RAB3GAP2: variants seen among roughly 807,000 people sequenced by gnomAD.
RAB3GAP2 encodes the protein rab3 GTPase-activating protein non-catalytic subunit.
A neutral mutation model predicts 185.3 loss-of-function variants in RAB3GAP2; 87 were observed. The ratio of observed to expected loss-of-function variants is 0.47; its 90% CI spans 0.39 to 0.56. The LOEUF (loss-of-function observed/expected upper bound fraction) is 0.56, where lower values mean the gene tolerates loss of function less well. Among genes scored for constraint, RAB3GAP2 ranks in the 20% least tolerant of loss-of-function variants. RAB3GAP2 has a pLI of 0.00. For synonymous variants in RAB3GAP2, 554 were observed against 576.1 expected, an observed-to-expected ratio of 0.96 and a Z score of 0.55; for missense variants, 1,492 against 1,638.2, an observed-to-expected ratio of 0.91 and a Z score of 1.54.
At chr1:220,224,416 A>ATTCT (rs1407526670) in intron 2 of RAB3GAP2, among the ~76,000 whole-genome samples, 6 of 152,218 alleles carry the variant, frequency 3.9e-5, no homozygotes, top group African/African-American at 1.2e-4. Flanking sequence ...CTTCAGCAGA[A>ATTCT]GCGTGATTAA....
At position 220,182,832 on chromosome 1, in the gene RAB3GAP2, A is replaced by G. The variant is rs1658436872; in HGVS notation, c.2098T>C (p.Phe700Leu). Residue 700 changes from phenylalanine to leucine, a missense_variant, in exon 20 of 35, where the codon TTT (phenylalanine) becomes CTT (leucine). Transcript: ENST00000358951. The stretch of plus-strand genomic sequence containing the variant: ...AACACACCATCTTTATCATCAGAAA[A>G]TCGAACATTTGTCCTGGTGTTCTCT... Reference protein sequence around the residue: ...KQENTRTNVRFSDDKDGVLPV... With the variant: ...KQENTRTNVRLSDDKDGVLPV... 1.9e-6 allele frequency: 3 copies of G among 1,613,608 alleles called. No homozygotes were observed. Among genetic ancestry groups the G allele is most frequent in the South Asian group, 1.1e-5 (1 of 91,068 alleles).
chr1:220,211,383 C>T (rs1385082791), intron 4 of RAB3GAP2: 3 of 466,916 alleles, frequency 6.4e-6, no homozygotes, highest in Non-Finnish European at 1.3e-5. Flanking sequence ...CAGCTAAGAA[C>T]TTCAGCCTGC....
At chr1:220,241,879 C>T (rs571897610) in intron 1 of RAB3GAP2, among the ~76,000 whole-genome samples, 11 of 151,114 alleles carry the variant, frequency 7.3e-5, no homozygotes, top group Admixed American at 6.6e-5. Context: ...TTTTTATATC[C>T]AAAACAACAG....
intron 26 of RAB3GAP2, among the ~76,000 whole-genome samples, chr1:220,166,026 A>G (rs78334189): frequency 6.6e-6 from 1 of 152,370 alleles, no homozygotes; most frequent in African/African-American, 2.4e-5. Flanking sequence ...CATTCTAGAC[A>G]TAACATTCCT....
intron 34 of RAB3GAP2, 50 bp from the exon 35 acceptor site, chr1:220,151,456 T>C (rs767067361): frequency 3.1e-6 from 5 of 1,609,418 alleles, no homozygotes; most frequent in Non-Finnish European, 4.3e-6. Flanking sequence ...AAACAATAAT[T>C]GTTATTGACT....
In RAB3GAP2 at chr1:220,154,046, T is replaced by C. The variant is rs755893160; in HGVS notation, c.3567A>G (p.Ala1189=). 6.2e-7 allele frequency: 1 copy of C among 1,613,312 alleles called. No individual in the cohort carries two copies. Among genetic ancestry groups the C allele is most frequent in the Admixed American group, 1.7e-5 (1 of 59,966 alleles). Residue 1189 remains alanine, a synonymous_variant, in exon 32 of 35, where the codon GCA becomes GCG. Transcript: ENST00000358951. ...GAATTGAAGTTAGGTCTTTGAAAAA[T>C]GCATTTTTTCCCTAAAAAGAAAGAG... ...LSLFDSKGKN[A]FFKDLTSIQL...
rs374410822 is a variant in RAB3GAP2 at position 220,240,477 on chromosome 1, C to A, written c.116-7614G>T. 2.6e-5 allele frequency among the ~76,000 whole-genome samples: 4 copies of A among 151,968 alleles called. No individual in the cohort carries two copies. The East Asian group carries it at 7.7e-4, about 29-fold the overall frequency. On this transcript the variant is annotated intron_variant, in intron 1 of 34. Coordinates refer to ENST00000358951, the MANE Select transcript of RAB3GAP2 (RefSeq NM_012414.4). ...CTTATCCATTTTTTTCCTTAAAATT[C>A]ACAGAAAATCAAAGATTGCATTAAA... is the stretch of plus-strand genomic sequence containing the variant.
chr1:220,195,805 A>C (rs1425057942), intron 10 of RAB3GAP2, among the ~76,000 whole-genome samples: 2 of 152,210 alleles, frequency 1.3e-5, no homozygotes, highest in East Asian at 3.8e-4. Flanking sequence ...TCTGAGAAGC[A>C]TGCTTTTTAA....
intron 21 of RAB3GAP2, 106 bp from the exon 22 acceptor site, chr1:220,172,848 T>C (rs1366937983): frequency 2.2e-5 from 16 of 740,640 alleles, no homozygotes; most frequent in Non-Finnish European, 3.6e-5. Flanking sequence ...ATGCAGCTTC[T>C]TGAGGTGAAA....
chr1:220,268,073 T>G (rs890624367), intron 1 of RAB3GAP2, among the ~76,000 whole-genome samples: 1 of 152,210 alleles, frequency 6.6e-6, no homozygotes, highest in South Asian at 2.1e-4. Context: ...ATTACAACTA[T>G]ATCAGCTAAA....
intron 16 of RAB3GAP2, 72 bp downstream of exon 16, chr1:220,189,992 A>T: frequency 1.1e-5 from 15 of 1,316,072 alleles, no homozygotes; most frequent in Non-Finnish European, 1.6e-5. Flanking sequence ...TGATTGCTCC[A>T]TTCAGAATAT....
chr1:220,243,048 A>G (rs1451722508), intron 1 of RAB3GAP2, among the ~76,000 whole-genome samples: 1 of 152,052 alleles, frequency 6.6e-6, no homozygotes. Flanking sequence ...ATCAGCCTTT[A>G]TTTTTTTAAA....
intron 2 of RAB3GAP2, among the ~76,000 whole-genome samples, chr1:220,229,683 G>GT (rs918993966): frequency 3.9e-5 from 6 of 152,204 alleles, no homozygotes; most frequent in African/African-American, 1.2e-4. Flanking sequence ...AGCCAAGTAT[G>GT]TATCAGTGGG....
chr1:220,224,527 GC>G (rs2102887726), intron 2 of RAB3GAP2, among the ~76,000 whole-genome samples: 1 of 152,148 alleles, frequency 6.6e-6, no homozygotes, highest in Non-Finnish European at 1.5e-5. Flanking sequence ...AATAGAAAAA[GC>G]AAGGAGTAGA....
rs917215990 is a variant in RAB3GAP2, at chr1:220,182,794, T to C, written c.2136A>G (p.Thr712=). 5 of 1,613,228 alleles carry C rather than the reference T, an allele frequency of 3.1e-6. No individual in the cohort carries two copies. In the South Asian group the frequency reaches 3.3e-5, roughly 11 times the overall value. The part of the protein sequence containing the change: ...DDKDGVLPVK[T]FLEYLEYEKD... ...TTTCATATTCTAAATATTCCAAGAA[T>C]GTTTTTACAGGCAACACACCATCTT... Residue 712 remains threonine, a synonymous_variant, in exon 20 of 35, where the codon ACA becomes ACG. Coordinates refer to ENST00000358951, the MANE Select transcript of RAB3GAP2 (RefSeq NM_012414.4).
Position 220,171,027 on chromosome 1 carries a change from T to C in RAB3GAP2, c.2671A>G (p.Lys891Glu), listed in dbSNP as rs1658164779. The C allele has an allele frequency of 6.2e-7, 1 of 1,613,986 alleles. No individual in the cohort carries two copies. ...AGTATGAGACAATCCTCCAGCTGTTTCAGAAGGAGTTTCCAGTACTCAGTG... is the reference window on the plus strand; with the variant it reads ...AGTATGAGACAATCCTCCAGCTGTTCCAGAAGGAGTTTCCAGTACTCAGTG... ...LDTEYWKLLL[K>E]QLEDCLILQT... Residue 891 changes from lysine (K) to glutamate (E), a missense_variant, in exon 24 of 35, where the codon AAA (lysine) becomes GAA (glutamate). This residue lies in a region of RAB3GAP2 where 681 missense variants were observed against 689.1 expected (regional missense o/e 0.99). Transcript: ENST00000358951.
chr1:220,180,691 A>G (rs1352659155), intron 21 of RAB3GAP2, among the ~76,000 whole-genome samples: 1 of 152,222 alleles, frequency 6.6e-6, no homozygotes, highest in Non-Finnish European at 1.5e-5. Context: ...AAACTATTTC[A>G]CAACATTGGA....
At chr1:220,212,500 T>C (rs73087821) in intron 4 of RAB3GAP2, among the ~76,000 whole-genome samples, 1 of 147,972 alleles carries the variant, frequency 6.8e-6, no homozygotes, top group Non-Finnish European at 1.5e-5. Flanking sequence ...TTCTAAAAAA[T>C]TTTTTTTTTT....
At chr1:220,254,921 G>A (rs1660006891) in intron 1 of RAB3GAP2, among the ~76,000 whole-genome samples, 1 of 145,390 alleles carries the variant, frequency 6.9e-6, no homozygotes, top group African/African-American at 2.5e-5. Context: ...TCAATTCAGT[G>A]TATATAACTG....
Sources: allele counts gnomAD v4.1 joint callset (sites outside exome capture counted in the v4.1 genomes callset), GRCh38; gene constraint gnomAD v4.1.1; regional missense constraint gnomAD v4.1.1; transcripts MANE v1.5; gene names NCBI Gene and HGNC (gene_info 2026-07-23, HGNC 2026-07-21).